LRP1B: variants seen among roughly 807,000 people sequenced by gnomAD.
LRP1B encodes LDL receptor related protein 1B.
LRP1B carries 217 observed loss-of-function variants against 556.6 expected under a neutral mutation model. That is an observed-to-expected ratio of 0.39 (90% CI 0.35 to 0.44). LRP1B has a LOEUF of 0.44. LRP1B is among the 20% of genes least tolerant of loss of function. The pLI, the probability that LRP1B is intolerant of heterozygous loss-of-function variation, is 1.00. For missense variants in LRP1B, 5,053 were observed against 5,620.8 expected (o/e 0.90, Z 3.23); for synonymous variants, 2,047 against 1,865.8 (o/e 1.10, Z -2.50).
chr2:141,625,180 C>T (rs905961338), intron 2 of LRP1B, among the ~76,000 whole-genome samples: 7 of 152,116 alleles, frequency 4.6e-5, no homozygotes, highest in African/African-American at 7.2e-5. Context: ...ATCTTTTCTT[C>T]GCACTTTTTA....
At chr2:141,861,665 C>G (rs1440560843) in intron 1 of LRP1B, among the ~76,000 whole-genome samples, 2 of 152,166 alleles carry the variant, frequency 1.3e-5, no homozygotes, top group African/African-American at 4.8e-5. Context: ...CACAGTGGCT[C>G]ACACCTGTAA....
At chr2:141,639,426 T>A (rs995225707) in intron 2 of LRP1B, among the ~76,000 whole-genome samples, 69 of 128,778 alleles carry the variant, frequency 5.4e-4, no homozygotes, top group Admixed American at 8.8e-4. Flanking sequence ...ATATATATTT[T>A]TTTTTGAGAC....
chr2:141,596,617 C>T (rs1254587747), intron 2 of LRP1B, among the ~76,000 whole-genome samples: 1 of 151,992 alleles, frequency 6.6e-6, no homozygotes, highest in African/African-American at 2.4e-5. Flanking sequence ...AACTTAATTA[C>T]ATTCTAGATT....
chr2:141,698,682 A>G (rs1558812179), intron 2 of LRP1B, among the ~76,000 whole-genome samples: 2 of 151,846 alleles, frequency 1.3e-5, no homozygotes, highest in South Asian at 2.1e-4. Context: ...GCATATTCCA[A>G]ATAGAAATTA....
intron 2 of LRP1B, among the ~76,000 whole-genome samples, chr2:141,774,547 C>T (rs945090541): frequency 3.9e-4 from 60 of 152,028 alleles, no homozygotes; most frequent in African/African-American, 1.4e-3. Flanking sequence ...AATTACATTA[C>T]AACATGAGAT....
At position 141,696,975 on chromosome 2, in the gene LRP1B, G is replaced by A. The variant is rs552564212; in HGVS notation, c.205+113304C>T. ...TAATAATAATCTTTTGTGTATCATA[G>A]AACTGTCCTTATAAAAAATAAGATA... On this transcript the variant is annotated intron_variant, in intron 2 of 90. Coordinates refer to ENST00000389484, the MANE Select transcript of LRP1B (RefSeq NM_018557.3). Among the ~76,000 whole-genome samples, 13 of 151,988 alleles carry A rather than the reference G, an allele frequency of 8.6e-5. No individual in the cohort carries two copies. In the East Asian group the frequency reaches 2.3e-3, roughly 27 times the overall value.
chr2:140,323,736 G>GGTAA (rs1680292788), intron 81 of LRP1B, among the ~76,000 whole-genome samples, 157 bp downstream of exon 81: 1 of 151,786 alleles, frequency 6.6e-6, no homozygotes, highest in East Asian at 1.9e-4. Flanking sequence ...TCTATAGTTT[G>GGTAA]GTAAGTTGAA....
At chr2:141,044,339 C>G (rs549633301) in intron 11 of LRP1B, among the ~76,000 whole-genome samples, 1 of 151,734 alleles carries the variant, frequency 6.6e-6, no homozygotes, top group African/African-American at 2.4e-5. Flanking sequence ...CTAGGCATTA[C>G]CATTCAGGAC....
chr2:141,734,628 TTGTA>T (rs1436742842), intron 2 of LRP1B, among the ~76,000 whole-genome samples: 1 of 152,128 alleles, frequency 6.6e-6, no homozygotes, highest in African/African-American at 2.4e-5. Context: ...TTCTGCGCAT[TTGTA>T]TGTAAGTTTC....
chr2:141,726,588 C>T (rs1693046542), intron 2 of LRP1B, among the ~76,000 whole-genome samples: 1 of 151,932 alleles, frequency 6.6e-6, no homozygotes, highest in Admixed American at 6.6e-5. Flanking sequence ...AATTACTCCC[C>T]AGTAACATCA....
intron 82 of LRP1B, among the ~76,000 whole-genome samples, chr2:140,316,697 G>GT (rs1293060209): frequency 3.3e-5 from 5 of 151,752 alleles, no homozygotes; most frequent in African/African-American, 1.2e-4. Context: ...AAATACACAA[G>GT]TTAACTCAGG....
At chr2:141,666,384 C>A (rs1690436156) in intron 2 of LRP1B, among the ~76,000 whole-genome samples, 1 of 152,104 alleles carries the variant, frequency 6.6e-6, no homozygotes, top group South Asian at 2.1e-4. Context: ...CTGGCTGTTC[C>A]ATGTTTGTTT....
chr2:141,959,879 C>A (rs1701354228), intron 1 of LRP1B, among the ~76,000 whole-genome samples: 1 of 151,906 alleles, frequency 6.6e-6, no homozygotes, highest in South Asian at 2.1e-4. Flanking sequence ...ACTCTGGAAT[C>A]TGCATTTGAA....
At chr2:140,932,868 A>G (rs1326642474) in intron 20 of LRP1B, among the ~76,000 whole-genome samples, 1 of 112,190 alleles carries the variant, frequency 8.9e-6, no homozygotes, top group African/African-American at 3.3e-5. Flanking sequence ...AGAGTGAGAC[A>G]CTCTCTCTCT....
chr2:140,811,968 C>A (rs908000061), intron 32 of LRP1B, among the ~76,000 whole-genome samples: 4 of 151,970 alleles, frequency 2.6e-5, no homozygotes, highest in African/African-American at 9.7e-5. Context: ...AAGATGATTT[C>A]TCTTTTACAC....
At chr2:141,932,525 C>T (rs1700535500) in intron 1 of LRP1B, among the ~76,000 whole-genome samples, 1 of 151,998 alleles carries the variant, frequency 6.6e-6, no homozygotes, top group African/African-American at 2.4e-5. Flanking sequence ...CAGACTCATA[C>T]ATAAAATATT....
chr2:141,802,814 TCATCCA>T (rs953174897), intron 2 of LRP1B, among the ~76,000 whole-genome samples: 1 of 152,108 alleles, frequency 6.6e-6, no homozygotes, highest in African/African-American at 2.4e-5. Flanking sequence ...TAAGAAGCCT[TCATCCA>T]CAACCCCAAA....
chr2:140,954,488 GA>G (rs1023549622), intron 18 of LRP1B, among the ~76,000 whole-genome samples: 4 of 151,792 alleles, frequency 2.6e-5, no homozygotes, highest in African/African-American at 9.7e-5. Context: ...GTTTTGCTAA[GA>G]AAAAAATAAA....
At chr2:140,290,688 C>A (rs1269463206) in intron 84 of LRP1B, among the ~76,000 whole-genome samples, 1 of 152,036 alleles carries the variant, frequency 6.6e-6, no homozygotes, top group Admixed American at 6.6e-5. Flanking sequence ...TTTAGCTGGG[C>A]CTGCCATAAG....
Sources: allele counts gnomAD v4.1 joint callset (sites outside exome capture counted in the v4.1 genomes callset), GRCh38; gene constraint gnomAD v4.1.1; transcripts MANE v1.5; gene names NCBI Gene and HGNC (gene_info 2026-07-23, HGNC 2026-07-21).